Variants in ADGRB3 observed in about 807,000 individuals in gnomAD.
ADGRB3 encodes brain-specific angiogenesis inhibitor 3.
ADGRB3 carries 37 observed loss-of-function variants against 193.4 expected under a neutral mutation model. That is an observed-to-expected ratio of 0.19 (90% confidence interval 0.15 to 0.25). The LOEUF is 0.25. Ranked by LOEUF, ADGRB3 falls within the 10% of genes least tolerant of loss-of-function variation. ADGRB3 has a pLI of 1.00. For synonymous variants in ADGRB3, 690 were observed against 644.2 expected (o/e 1.07, Z -1.08); for missense variants, 1,637 against 1,852.9 (o/e 0.88, Z 2.14).
chr6:68,960,683 C>T (rs891130326), intron 8 of ADGRB3, among the ~76,000 whole-genome samples: 1 of 152,246 alleles, frequency 6.6e-6, no homozygotes, highest in African/African-American at 2.4e-5. Flanking sequence ...CTACTTTGCA[C>T]TCCTATCTTC....
At chr6:68,663,200 A>G (rs1314236958) in intron 3 of ADGRB3, among the ~76,000 whole-genome samples, 3 of 151,406 alleles carry the variant, frequency 2.0e-5, no homozygotes, top group Non-Finnish European at 4.4e-5. Context: ...AAGAATTTTC[A>G]TTGCATTTGT....
intron 3 of ADGRB3, among the ~76,000 whole-genome samples, chr6:68,810,353 T>C (rs1265295586): frequency 6.6e-6 from 1 of 152,174 alleles, no homozygotes; most frequent in Non-Finnish European, 1.5e-5. Flanking sequence ...ACCATTGCCC[T>C]GGACACTATC....
intron 3 of ADGRB3, among the ~76,000 whole-genome samples, chr6:68,764,783 T>A (rs1252327999): frequency 6.6e-6 from 1 of 151,308 alleles, no homozygotes; most frequent in African/African-American, 2.5e-5. Context: ...ATTGATTAAC[T>A]TAAATCAATT....
chr6:69,114,699 G>A (rs1052275533), intron 17 of ADGRB3, among the ~76,000 whole-genome samples: 2 of 151,220 alleles, frequency 1.3e-5, no homozygotes, highest in Non-Finnish European at 2.9e-5. Flanking sequence ...AGTTGTAAGG[G>A]AAGGGGTCCA....
At chr6:69,156,871 A>G (rs545266586) in intron 17 of ADGRB3, among the ~76,000 whole-genome samples, 1 of 152,336 alleles carries the variant, frequency 6.6e-6, no homozygotes, top group Non-Finnish European at 1.5e-5. Context: ...ACTAAACCTC[A>G]GGGATGTTGG....
chr6:68,857,388 G>C (rs947195989), intron 3 of ADGRB3, among the ~76,000 whole-genome samples: 2 of 152,172 alleles, frequency 1.3e-5, no homozygotes, highest in Non-Finnish European at 1.5e-5. Context: ...AAAACCACAG[G>C]AGCAGACTGC....
At chr6:69,372,303 A>T in intron 29 of ADGRB3, 103 bp from the exon 30 acceptor site, 2 of 585,354 alleles carry the variant, frequency 3.4e-6, no homozygotes, top group Non-Finnish European at 2.8e-6. Flanking sequence ...GTATAAAACA[A>T]GCAGGATTAT....
chr6:69,235,248 T>C (rs1330381547), intron 19 of ADGRB3, 113 bp downstream of exon 19: 4 of 831,396 alleles, frequency 4.8e-6, no homozygotes, highest in Non-Finnish European at 7.7e-6. Flanking sequence ...GAAAGCAGTA[T>C]TTTTACAACA....
rs201850826 is a variant in ADGRB3 at position 69,242,131 on chromosome 6, CTGTT to C, written c.2814+2908_2814+2911del. Among the ~76,000 whole-genome samples the C allele has an allele frequency of 3.5e-4, 53 of 151,942 alleles. 2 individuals carry two copies. The East Asian group carries it at 9.3e-3, about 27-fold the overall frequency. On this transcript the variant is annotated intron_variant, in intron 20 of 31. Transcript: ENST00000370598. ...GAATTTGGTATGTGAAAGGCTACAT[CTGTT>C]TGACTGTATTTGGGATTAATGGTGT... is the stretch of plus-strand genomic sequence containing the variant.
intron 11 of ADGRB3, among the ~76,000 whole-genome samples, chr6:69,009,474 G>C (rs1372889437): frequency 6.6e-6 from 1 of 152,114 alleles, no homozygotes; most frequent in Non-Finnish European, 1.5e-5. Context: ...AGTGTGGGAT[G>C]CATGAAGAAG....
intron 23 of ADGRB3, chr6:69,332,588 A>G: frequency 2.0e-6 from 2 of 985,444 alleles, no homozygotes; most frequent in Non-Finnish European, 2.4e-6. Context: ...TGCTTTAGCC[A>G]AATGATTTTA....
intron 16 of ADGRB3, among the ~76,000 whole-genome samples, chr6:69,068,235 G>A (rs2150309978): frequency 6.6e-6 from 1 of 152,254 alleles, no homozygotes; most frequent in South Asian, 2.1e-4. Flanking sequence ...CAAAAGGGAT[G>A]TTTGTGTGAG....
At chr6:69,388,088 G>A (rs986699875) in intron 31 of ADGRB3, among the ~76,000 whole-genome samples, 3 of 138,912 alleles carry the variant, frequency 2.2e-5, no homozygotes, top group Non-Finnish European at 3.1e-5. Context: ...AAAGTATTTA[G>A]ATAAACAGTT....
intron 13 of ADGRB3, among the ~76,000 whole-genome samples, chr6:69,029,976 G>GCACACACACA (rs10653397): frequency 0.01 from 1,497 of 145,268 alleles, 30 homozygotes; most frequent in African/African-American, 0.031. Flanking sequence ...TATATAGAAT[G>GCACACACACA]CACACACACA....
At chr6:68,791,258 C>G (rs1239607995) in intron 3 of ADGRB3, among the ~76,000 whole-genome samples, 1 of 152,112 alleles carries the variant, frequency 6.6e-6, no homozygotes, top group African/African-American at 2.4e-5. Context: ...CCTCTCACAC[C>G]TGTGCCCATA....
intron 3 of ADGRB3, among the ~76,000 whole-genome samples, chr6:68,791,143 A>T (rs1767099594): frequency 6.6e-6 from 1 of 151,864 alleles, no homozygotes; most frequent in South Asian, 2.1e-4. Flanking sequence ...TTACCTTCTG[A>T]GTTTCCTTAG....
At chr6:68,904,153 G>T (rs1766482170) in intron 3 of ADGRB3, among the ~76,000 whole-genome samples, 1 of 150,040 alleles carries the variant, frequency 6.7e-6, no homozygotes, top group South Asian at 2.1e-4. Context: ...GTGAAAGGGA[G>T]GTATTTGGGC....
chr6:69,116,876 G>T (rs1212755486), intron 17 of ADGRB3, among the ~76,000 whole-genome samples: 3 of 152,190 alleles, frequency 2.0e-5, no homozygotes, highest in Non-Finnish European at 4.4e-5. Context: ...TGCTTCATTA[G>T]TGCCTGCCAA....
At chr6:68,718,958 C>T (rs1401501055) in intron 3 of ADGRB3, among the ~76,000 whole-genome samples, 2 of 151,746 alleles carry the variant, frequency 1.3e-5, no homozygotes, top group Non-Finnish European at 2.9e-5. Context: ...TCCTCAAAGC[C>T]TAAAATATTT....
Sources: gnomAD v4.1 joint callset for allele counts (sites outside exome capture counted in the v4.1 genomes callset) on GRCh38, gnomAD v4.1.1 for gene constraint, MANE v1.5 for transcripts, NCBI Gene and HGNC (gene_info 2026-07-23, HGNC 2026-07-21) for gene names.